Variants in EYA4 observed in about 807,000 individuals in gnomAD.
The protein encoded by EYA4 is EYA transcriptional coactivator and phosphatase 4.
In EYA4, 31 loss-of-function variants were observed where a neutral mutation model predicts 87.9. The ratio of observed to expected loss-of-function variants is 0.35; its 90% CI spans 0.27 to 0.48. The LOEUF is 0.48. EYA4 is among the 20% of genes least tolerant of loss of function. The pLI, the probability that EYA4 is intolerant of heterozygous loss-of-function variation, is 0.99. For synonymous variants in EYA4, 263 were observed against 270.6 expected (o/e 0.97, Z 0.28); for missense variants, 678 against 761.4 (o/e 0.89, Z 1.29).
intron 10 of EYA4, among the ~76,000 whole-genome samples, chr6:133,465,342 T>C (rs1457596369): frequency 6.6e-6 from 1 of 152,172 alleles, no homozygotes; most frequent in East Asian, 1.9e-4. Flanking sequence ...GGCTTTTAAA[T>C]AATTTTTCTG....
rs746199591 is a variant in EYA4 at position 133,462,607 on chromosome 6, A to C, written c.581-14A>C. The stretch of plus-strand genomic sequence containing the variant: ...TACTAATTAAATGGTTTACACATTC[A>C]ATTTTCTGAACAGATTTGGGTGTGA... On this transcript the variant is annotated splice_polypyrimidine_tract_variant and intron_variant, in intron 8 of 19. Transcript: ENST00000355286. The C allele has an allele frequency of 1.2e-6, 2 of 1,613,996 alleles. No homozygotes were observed. The highest frequency in any genetic ancestry group is 2.2e-5 in the South Asian group (2 of 91,084).
chr6:133,523,176 A>T lies in EYA4; in HGVS notation c.1737A>T (p.Ile579=), dbSNP rs1305421182. 6.2e-7 allele frequency: 1 copy of T among 1,612,030 alleles called. No individual in the cohort carries two copies. ...PIENIYSATK[I]GKESCFERIM... ...AGAATATTTACAGTGCAACTAAAAT[A>T]GGTAAGGAAATTATTTTAAACTCTG... The change falls in exon 18 of 20, where the codon ATA becomes ATT. Residue 579 remains isoleucine, a splice_region_variant and synonymous_variant. Coordinates refer to ENST00000355286, the MANE Select transcript of EYA4 (RefSeq NM_004100.5).
chr6:133,530,716 T>C lies in EYA4; in HGVS notation c.*1911T>C. 1 of 986,086 alleles carries C rather than the reference T, an allele frequency of 1.0e-6. No homozygotes were observed. The highest frequency in any genetic ancestry group is 4.7e-5 in the South Asian group (1 of 21,304). 61.1% of individuals were successfully genotyped at this position (986,086 alleles called of 1,614,324 possible). ...GGGTAGAAAGATATTGAGATCCCAA[T>C]TTTGTACAAGATTGTGATTTCATTA... On this transcript the variant is annotated 3_prime_UTR_variant, in exon 20 of 20. Transcript: ENST00000355286.
rs188463813 is a variant in EYA4, at chr6:133,402,882, T to G, written c.83+20441T>G. ...AGTAAGAATTAGGGAAGCACATGGC[T>G]TATAGAATTGTTCATTATCTGATGT... On this transcript the variant is annotated intron_variant, in intron 3 of 19. Coordinates refer to ENST00000355286, the MANE Select transcript of EYA4 (RefSeq NM_004100.5). Among the ~76,000 whole-genome samples, 4 of 152,304 alleles carry G rather than the reference T, an allele frequency of 2.6e-5. No homozygotes were observed. The East Asian group carries it at 7.7e-4, about 29-fold the overall frequency.
chr6:133,508,302 T>C (rs1217697686), intron 14 of EYA4, among the ~76,000 whole-genome samples: 5 of 152,084 alleles, frequency 3.3e-5, no homozygotes, highest in African/African-American at 1.2e-4. Flanking sequence ...CTCTAAAACC[T>C]GATTTAAATT....
chr6:133,517,623 C>A (rs1014034557), intron 17 of EYA4, among the ~76,000 whole-genome samples: 8 of 152,178 alleles, frequency 5.3e-5, no homozygotes, highest in Middle Eastern at 6.8e-3. Context: ...ACAGGCAGAG[C>A]TGCATGGATA....
At chr6:133,464,755 AT>A (rs777682915) in intron 9 of EYA4, 23 bp from the exon 10 acceptor site, 89 of 1,385,432 alleles carry the variant, frequency 6.4e-5, no homozygotes, top group Non-Finnish European at 8.5e-5. Context: ...TACTTTTAAA[AT>A]GCAATTTGTT....
chr6:133,468,006 T>C (rs575997913), intron 10 of EYA4, among the ~76,000 whole-genome samples: 1 of 152,196 alleles, frequency 6.6e-6, no homozygotes, highest in Non-Finnish European at 1.5e-5. Flanking sequence ...GCATGTAGTT[T>C]GTGAGAGGCT....
At chr6:133,342,735 T>G (rs554047045) in intron 2 of EYA4, among the ~76,000 whole-genome samples, 1 of 151,796 alleles carries the variant, frequency 6.6e-6, no homozygotes, top group East Asian at 1.9e-4. Context: ...AAAGAGGATT[T>G]GAGATTTCTG....
intron 11 of EYA4, among the ~76,000 whole-genome samples, chr6:133,480,774 A>G (rs1188211420): frequency 6.6e-6 from 1 of 152,198 alleles, no homozygotes; most frequent in Non-Finnish European, 1.5e-5. Context: ...ATATTATATA[A>G]GATCACATTT....
intron 2 of EYA4, among the ~76,000 whole-genome samples, chr6:133,321,147 T>C (rs1582948853): frequency 6.6e-6 from 1 of 152,340 alleles, no homozygotes; most frequent in Non-Finnish European, 1.5e-5. Flanking sequence ...GTTGGTCCTT[T>C]GTTAGTAATC....
intron 19 of EYA4, 59 bp downstream of exon 19, chr6:133,525,313 T>C: frequency 2.1e-6 from 3 of 1,442,664 alleles, no homozygotes; most frequent in Non-Finnish European, 2.9e-6. Flanking sequence ...TTTGTTTGCA[T>C]TTCTGTAGTT....
intron 2 of EYA4, among the ~76,000 whole-genome samples, chr6:133,294,062 T>TATATATATATATATATATAAAAAA (rs71003632): frequency 2.9e-5 from 3 of 105,162 alleles, no homozygotes; most frequent in Non-Finnish European, 6.2e-5. Flanking sequence ...TATATATATA[T>TATATATATATATATATATAAAAAA]AATTCTATTC....
At chr6:133,325,919 C>T (rs1318015589) in intron 2 of EYA4, among the ~76,000 whole-genome samples, 1 of 152,226 alleles carries the variant, frequency 6.6e-6, no homozygotes, top group Non-Finnish European at 1.5e-5. Context: ...ACATCCTCCT[C>T]TGTCATTAGC....
At chr6:133,342,606 A>ATAT (rs1554230276) in intron 2 of EYA4, among the ~76,000 whole-genome samples, 2 of 53,960 alleles carry the variant, frequency 3.7e-5, no homozygotes, top group African/African-American at 9.5e-5. Context: ...TATATATATA[A>ATAT]TTCTTTATAT....
intron 14 of EYA4, among the ~76,000 whole-genome samples, chr6:133,508,346 T>TATAC (rs1798830847): frequency 6.6e-6 from 1 of 151,882 alleles, no homozygotes; most frequent in African/African-American, 2.4e-5. Context: ...AATGATTTTA[T>TATAC]ATATATATAT....
At chr6:133,525,027 GT>G in intron 18 of EYA4, 126 bp from the exon 19 acceptor site, 2 of 1,613,518 alleles carry the variant, frequency 1.2e-6, no homozygotes, top group Non-Finnish European at 1.7e-6. Flanking sequence ...AAGGAAAGCT[GT>G]TTTGAGCGTA....
At chr6:133,431,104 T>C (rs1157824431) in intron 3 of EYA4, among the ~76,000 whole-genome samples, 1 of 152,082 alleles carries the variant, frequency 6.6e-6, no homozygotes, top group Non-Finnish European at 1.5e-5. Context: ...AACAGCAGGT[T>C]AGACTGGGGA....
At chr6:133,503,816 A>G (rs1429659638) in intron 13 of EYA4, among the ~76,000 whole-genome samples, 3 of 152,204 alleles carry the variant, frequency 2.0e-5, no homozygotes, top group Non-Finnish European at 2.9e-5. Flanking sequence ...CAACAAAAAC[A>G]TGATCAACAA....
Sources: gnomAD v4.1 joint callset for allele counts (sites outside exome capture counted in the v4.1 genomes callset) on GRCh38, gnomAD v4.1.1 for gene constraint, MANE v1.5 for transcripts, NCBI Gene and HGNC (gene_info 2026-07-23, HGNC 2026-07-21) for gene names.